LRRK2: variants seen among roughly 807,000 people sequenced by gnomAD.
LRRK2 encodes the protein leucine-rich repeat serine/threonine-protein kinase 2.
LRRK2 carries 203 observed loss-of-function variants against 302.6 expected under a neutral mutation model. The ratio of observed to expected loss-of-function variants is 0.67; its 90% confidence interval spans 0.60 to 0.75. The LOEUF is 0.75. Among genes scored for constraint, LRRK2 ranks in the 30% least tolerant of loss-of-function variants. The probability of loss-of-function intolerance (pLI) is 0.00; values close to 1 mark genes in which losing one functional copy is unlikely to be tolerated. For missense variants in LRRK2, 2,830 were observed against 2,951.0 expected (o/e 0.96, Z 0.95); for synonymous variants, 1,066 against 1,031.9 (o/e 1.03, Z -0.63).
chr12:40,233,811 A>C (rs1242467747), intron 3 of LRRK2, among the ~76,000 whole-genome samples: 1 of 152,172 alleles, frequency 6.6e-6, no homozygotes, highest in East Asian at 1.9e-4. Flanking sequence ...TTATGTAGGA[A>C]ATTTCATTCA....
At chr12:40,307,970 C>T (rs918965216) in intron 28 of LRRK2, among the ~76,000 whole-genome samples, 5 of 151,526 alleles carry the variant, frequency 3.3e-5, no homozygotes, top group Admixed American at 2.0e-4. Flanking sequence ...TTAATAGAGA[C>T]GGGGTTTCAC....
chr12:40,284,225 G>A, intron 19 of LRRK2, 92 bp downstream of exon 19: 1 of 1,184,234 alleles, frequency 8.4e-7, no homozygotes, highest in Non-Finnish European at 1.2e-6. Flanking sequence ...ATGCCAGTTT[G>A]AGGGACCTTA....
intron 18 of LRRK2, among the ~76,000 whole-genome samples, chr12:40,280,891 C>G (rs1021430505): frequency 4.6e-5 from 7 of 151,552 alleles, no homozygotes; most frequent in Non-Finnish European, 1.0e-4. Context: ...CCGGTGAAAC[C>G]TTGTTTCTAC....
Position 40,284,131 on chromosome 12 carries a change from CAAGT to C in LRRK2, c.2500+5_2500+8del, listed in dbSNP as rs753165266. On this transcript the variant is annotated splice_donor_variant and coding_sequence_variant, in exon 19 of 51. Coordinates refer to ENST00000298910, the MANE Select transcript of LRRK2 (RefSeq NM_198578.4). LOFTEE classifies it high-confidence loss of function. ...AAGACTTCTAATTTAAGGAAACAAACAAGTAAGTAACAAGGAGAATATTTTTTAC... is the reference window on the plus strand; with the variant it reads ...AAGACTTCTAATTTAAGGAAACAAACAAGTAACAAGGAGAATATTTTTTAC... 1.8e-5 allele frequency: 29 copies of C among 1,606,328 alleles called. No homozygotes were observed. Among genetic ancestry groups the C allele is most frequent in the Non-Finnish European group, 2.4e-5 (28 of 1,174,382 alleles).
At chr12:40,345,549 G>A (rs979060019) in intron 41 of LRRK2, among the ~76,000 whole-genome samples, 1 of 141,738 alleles carries the variant, frequency 7.1e-6, no homozygotes, top group African/African-American at 2.6e-5. Flanking sequence ...CTTGAACCCA[G>A]GAGGCAGAGG....
chr12:40,358,198 A>C (rs542984860), intron 46 of LRRK2, among the ~76,000 whole-genome samples: 1 of 151,380 alleles, frequency 6.6e-6, no homozygotes, highest in Admixed American at 6.6e-5. Flanking sequence ...TATATTGTTG[A>C]TAGTTTCCTT....
chr12:40,300,756 A>T (rs958611702), intron 25 of LRRK2: 4 of 470,628 alleles, frequency 8.5e-6, no homozygotes, highest in African/African-American at 6.0e-5. Flanking sequence ...GACAAACATT[A>T]AGTAATGATG....
In LRRK2 at chr12:40,352,469, C is replaced by CTTTTTTTTTTT. The variant is rs1307806388; in HGVS notation, c.6576+746_6576+747insTTTTTTTTTTT. On this transcript the variant is annotated intron_variant, in intron 44 of 50. Transcript: ENST00000298910. ...AACATTAGTTCTGAGGTTAAACAAT[C>CTTTTTTTTTTT]TTTTTTTTTTAATTGATCATTCTTG... 1.3e-4 allele frequency among the ~76,000 whole-genome samples: 14 copies of CTTTTTTTTTTT among 104,528 alleles called. 1 individual carries two copies. Among genetic ancestry groups the CTTTTTTTTTTT allele is most frequent in the Non-Finnish European group, 1.8e-4 (9 of 49,254 alleles). 68.6% of individuals were successfully genotyped at this position (104,528 alleles called of 152,430 possible).
chr12:40,339,931 AT>A lies in LRRK2; in HGVS notation c.5949-359del, dbSNP rs779159587. Among the ~76,000 whole-genome samples, 18 of 152,354 alleles carry A rather than the reference AT, an allele frequency of 1.2e-4. No individual in the cohort carries two copies. The East Asian group carries it at 3.5e-3, about 29-fold the overall frequency. On this transcript the variant is annotated intron_variant, in intron 40 of 50. Transcript: ENST00000298910. ...ATCAATTCTTATTTAACATACTTACATTTTGAAATAGTTAAAATATTCATAT... is the reference window on the plus strand; with the variant it reads ...ATCAATTCTTATTTAACATACTTACATTTGAAATAGTTAAAATATTCATAT...
chr12:40,284,001 C>G lies in LRRK2; in HGVS notation c.2368C>G (p.Leu790Val). Residue 790 changes from leucine to valine, a missense_variant, in exon 19 of 51, where the codon CTC becomes GTC. Leu to Val is a conservative substitution (Grantham distance 32, BLOSUM62 1). Transcript: ENST00000298910. ...AGGTGACAGCCAGATCATCAGCTTG[C>G]TCTTAAGGAGGCTGGCCCTGGATGT... ...GKGDSQIISL[L>V]LRRLALDVAN... The G allele has an allele frequency of 6.2e-7, 1 of 1,614,026 alleles. No homozygotes were observed. Among genetic ancestry groups the G allele is most frequent in the Non-Finnish European group, 8.5e-7 (1 of 1,179,926 alleles).
chr12:40,359,234 T>C, intron 46 of LRRK2, 26 bp from the exon 47 acceptor site: 1 of 1,537,060 alleles, frequency 6.5e-7, no homozygotes, highest in Non-Finnish European at 8.8e-7. Flanking sequence ...ATTTGCTGAG[T>C]GTGTTTTCTT....
rs1294978464 is a variant in LRRK2, at chr12:40,359,244, T to C, written c.6844-16T>C. ...ACTCAATTTGCTGAGTGTGTTTTCT[T>C]TTTTTTTTGGCAAAGCTTAAAGGAG... On this transcript the variant is annotated splice_polypyrimidine_tract_variant and intron_variant, in intron 46 of 50. Coordinates refer to ENST00000298910, the MANE Select transcript of LRRK2 (RefSeq NM_198578.4). The C allele has an allele frequency of 6.3e-7, 1 of 1,599,556 alleles. No individual in the cohort carries two copies. Among genetic ancestry groups the C allele is most frequent in the East Asian group, 2.2e-5 (1 of 44,512 alleles).
intron 18 of LRRK2, among the ~76,000 whole-genome samples, chr12:40,281,118 C>T (rs1943680206): frequency 6.6e-6 from 1 of 150,492 alleles, no homozygotes; most frequent in African/African-American, 2.4e-5. Context: ...ACAAAACAAA[C>T]AAACAAAAAA....
At chr12:40,296,300 TA>T (rs1457923230) in intron 23 of LRRK2, among the ~76,000 whole-genome samples, 1 of 152,186 alleles carries the variant, frequency 6.6e-6, no homozygotes, top group Non-Finnish European at 1.5e-5. Flanking sequence ...GAAGATATCA[TA>T]AAAGTTAAAA....
chr12:40,291,855 G>A (rs1030167718), intron 20 of LRRK2, among the ~76,000 whole-genome samples: 1 of 151,916 alleles, frequency 6.6e-6, no homozygotes, highest in Admixed American at 6.6e-5. Context: ...ATCTGTTTAT[G>A]CTTTGTATAT....
chr12:40,310,316 C>T (rs1944995530), intron 30 of LRRK2, 115 bp from the exon 31 acceptor site: 1 of 954,600 alleles, frequency 1.0e-6, no homozygotes, highest in African/African-American at 1.6e-5. Flanking sequence ...CTTCTGAAGT[C>T]TGCTAGTTTC....
Position 40,305,789 on chromosome 12 carries a change from C to T in LRRK2, c.3782C>T (p.Pro1261Leu), listed in dbSNP as rs930461041. The change falls in exon 28 of 51, where the codon CCT becomes CTT. Residue 1261 changes from proline (P) to leucine (L), a missense_variant. Pro to Leu is a moderately conservative substitution (Grantham distance 98). Transcript: ENST00000298910. Reference sequence around the variant, plus strand: ...GCCCTTTTTTTTCCCATTAAGATTCCTCCTGAGATTGGCTGTCTTGAAAAT... The same window carrying T: ...GCCCTTTTTTTTCCCATTAAGATTCTTCCTGAGATTGGCTGTCTTGAAAAT... ...HLSHNKLKEIPPEIGCLENLT... is the reference protein window; with the variant it reads ...HLSHNKLKEILPEIGCLENLT... The T allele has an allele frequency of 4.3e-6, 7 of 1,613,130 alleles. No individual in the cohort carries two copies. Among genetic ancestry groups the T allele is most frequent in the Non-Finnish European group, 5.1e-6 (6 of 1,179,654 alleles).
chr12:40,246,263 T>C (rs940976055), intron 7 of LRRK2, among the ~76,000 whole-genome samples: 1 of 151,902 alleles, frequency 6.6e-6, no homozygotes, highest in African/African-American at 2.4e-5. Flanking sequence ...AGTCTTTTTT[T>C]TCCTTTTCAT....
Position 40,278,094 on chromosome 12 carries a change from C to T in LRRK2, c.2074C>T (p.Leu692=), listed in dbSNP as rs1943536938. The T allele has an allele frequency of 6.2e-7, 1 of 1,613,826 alleles. No individual in the cohort carries two copies. Among genetic ancestry groups the T allele is most frequent in the African/African-American group, 1.3e-5 (1 of 74,900 alleles). ...NIMEQKDQQF[L]NLCCKCFAKV... Reference sequence around the variant, plus strand: ...TTCTCATTTCCACTCTTTTTAGTTTCTAAACCTCTGTTGCAAGTGTTTTGC... The same window carrying T: ...TTCTCATTTCCACTCTTTTTAGTTTTTAAACCTCTGTTGCAAGTGTTTTGC... Residue 692 remains leucine (L), a synonymous_variant, in exon 18 of 51, where the codon CTA becomes TTA. Transcript: ENST00000298910.
Sources: gnomAD v4.1 joint callset for allele counts (sites outside exome capture counted in the v4.1 genomes callset) on GRCh38, gnomAD v4.1.1 for gene constraint, MANE v1.5 for transcripts, NCBI Gene and HGNC (gene_info 2026-07-23, HGNC 2026-07-21) for gene names.